SPATA31A3: variants seen among roughly 807,000 people sequenced by gnomAD.
The protein encoded by SPATA31A3 is spermatogenesis-associated protein 31A3.
For missense variants in SPATA31A3, 132 were observed against 1,094.6 expected (o/e 0.12, Z 12.41); for synonymous variants, 47 against 419.3 (o/e 0.11, Z 10.85).
At chr9:66,987,190 A>G in exon 4 of SPATA31A3, 1 of 1,181,748 alleles carries the variant, frequency 8.5e-7, no homozygotes, top group Non-Finnish European at 1.2e-6. Flanking sequence ...AGGGGGAAAC[A>G]TTGGCCTTTG....
exon 4 of SPATA31A3, chr9:66,987,136 T>C (rs781019955): frequency 1.7e-6 from 2 of 1,186,092 alleles, no homozygotes; most frequent in South Asian, 2.6e-5. Context: ...CCTTTCTTCA[T>C]GTTTTTCTAA....
Position 66,990,239 on chromosome 9 carries a change from AGG to A in SPATA31A3, c.309-52_309-51del, listed in dbSNP as rs1823299170. On this transcript the variant is annotated intron_variant, in intron 3 of 3. Transcript: ENST00000428649. The stretch of plus-strand genomic sequence containing the variant: ...TGCAGCCAGGAGCCGGTGGGGCCGG[AGG>A]GCAGAGTGGGTGCTCGGGCCACAGC... The A allele has an allele frequency of 2.5e-6, 4 of 1,570,434 alleles. No individual in the cohort carries two copies. The African/African-American group carries it at 5.5e-5, about 22-fold the overall frequency.
At chr9:66,991,654 A>AAAAAT (rs1157053461) in intron 1 of SPATA31A3, among the ~76,000 whole-genome samples, 756 of 49,802 alleles carry the variant, frequency 0.015, 5 homozygotes, top group Non-Finnish European at 0.018. Flanking sequence ...CTCCATCTCA[A>AAAAAT]AAAATAAAAT....
chr9:66,988,215 A>G, exon 4 of SPATA31A3: 1 of 1,518,390 alleles, frequency 6.6e-7, no homozygotes, highest in Non-Finnish European at 8.8e-7. Flanking sequence ...TGGACACGGG[A>G]AGAGCCTGGT....
At chr9:66,988,404 A>G in exon 4 of SPATA31A3, 1 of 1,560,330 alleles carries the variant, frequency 6.4e-7, no homozygotes, top group South Asian at 1.1e-5. Flanking sequence ...CCAACTCCTC[A>G]GAAGTCACCC....
chr9:66,988,451 A>G, exon 4 of SPATA31A3: 3 of 1,541,064 alleles, frequency 1.9e-6, no homozygotes, highest in Non-Finnish European at 1.7e-6. Context: ...ATATCCCTGG[A>G]TAGATTTTGT....
rs199651086 is a variant in SPATA31A3 at position 66,987,160 on chromosome 9, A to G, written c.3338T>C (p.Phe1113Ser). 85 of 1,180,908 alleles carry G rather than the reference A, an allele frequency of 7.2e-5. 24 individuals carry two copies. The African/African-American group carries it at 1.1e-3, about 15-fold the overall frequency. 73.2% of individuals were successfully genotyped at this position (1,180,908 alleles called of 1,614,324 possible). A position where few individuals can be genotyped will look rare whatever the true frequency, so the allele number is the denominator to read the frequency against. The stretch of plus-strand genomic sequence containing the variant: ...ATGTTTTTCTAAGTTGGGCTTCCTA[A>G]ACTTCTCACTCTTGTGAATAGGGGG... The change falls in exon 4 of 4, where the codon TTT becomes TCT. Residue 1113 changes from phenylalanine (F) to serine (S), a missense_variant. By Grantham distance (155) the Phe-to-Ser change is radical. Coordinates refer to ENST00000428649, the Ensembl canonical transcript of SPATA31A3.
exon 4 of SPATA31A3, chr9:66,989,125 C>T: frequency 4.8e-6 from 1 of 206,736 alleles, no homozygotes; most frequent in East Asian, 5.5e-5. Flanking sequence ...TGTAGTCTCC[C>T]TTTGAATTGG....
Position 66,987,102 on chromosome 9 carries a change from T to A in SPATA31A3, c.3396A>T (p.Gln1132His). 3 of 1,291,008 alleles carry A rather than the reference T, an allele frequency of 2.3e-6. 1 individual carries two copies. The allele number at this position is 1,291,008 out of a possible 1,614,324, so 80.0% of individuals were successfully genotyped here. ...CTTCTGTTTTCCTGACTGGGGTAAG[T>A]TGAGGAGTCCTCAATCCTTCAAGCC... is the stretch of plus-strand genomic sequence containing the variant. Residue 1132 changes from glutamine to histidine, a missense_variant, in exon 4 of 4, where the codon CAA becomes CAT. Transcript: ENST00000428649.
chr9:66,987,709 C>A, exon 4 of SPATA31A3: 3 of 1,597,354 alleles, frequency 1.9e-6, no homozygotes, highest in Non-Finnish European at 1.7e-6. Context: ...GCCTGTGAGG[C>A]TGTACGTGAG....
rs1823253506 is a variant in SPATA31A3 at position 66,987,512 on chromosome 9, CAG to C, written c.2984_2985del (p.Ser995CysfsTer16). 1.1e-6 allele frequency: 1 copy of C among 933,764 alleles called. No individual in the cohort carries two copies. The highest frequency in any genetic ancestry group is 2.8e-5 in the Admixed American group (1 of 36,288). 57.8% of individuals were successfully genotyped at this position (933,764 alleles called of 1,614,324 possible). ...CACAGCTTTCTTGGATCTTGGGAGA[CAG>C]ACACTCTAGGGTGTAGAGAGCTTTT... On this transcript the variant is annotated frameshift_variant, in exon 4 of 4. Coordinates refer to ENST00000428649, the Ensembl canonical transcript of SPATA31A3. LOFTEE classifies it low-confidence loss of function (END_TRUNC).
At position 66,987,102 on chromosome 9, in the gene SPATA31A3, T is replaced by C. The variant is rs760108308; in HGVS notation, c.3396A>G (p.Gln1132=). 13 of 1,290,940 alleles carry C rather than the reference T, an allele frequency of 1.0e-5. 3 individuals are homozygous for C. The highest frequency in any genetic ancestry group is 2.5e-4 in the Middle Eastern group (1 of 3,968). The allele number at this position is 1,290,940 out of a possible 1,614,324, so 80.0% of individuals were successfully genotyped here. ...CTTCTGTTTTCCTGACTGGGGTAAG[T>C]TGAGGAGTCCTCAATCCTTCAAGCC... Residue 1132 remains glutamine, a synonymous_variant, in exon 4 of 4, where the codon CAA becomes CAG. Transcript: ENST00000428649.
Position 66,989,357 on chromosome 9 carries a change from GT to G in SPATA31A3, c.1140del (p.Lys380AsnfsTer54). 2.6e-6 allele frequency: 1 copy of G among 388,262 alleles called. No homozygotes were observed. The highest frequency in any genetic ancestry group is 5.9e-5 in the Admixed American group (1 of 16,924). 24.1% of individuals were successfully genotyped at this position (388,262 alleles called of 1,614,324 possible). Reference sequence around the variant, plus strand: ...GAGTTCTCTCCCATGTTCCAGAAGGGTTTTGGGTTTGTGGTGTCCTGCTCAG... The same window carrying G: ...GAGTTCTCTCCCATGTTCCAGAAGGGTTTGGGTTTGTGGTGTCCTGCTCAG... On this transcript the variant is annotated frameshift_variant, in exon 4 of 4. Coordinates refer to ENST00000428649, the Ensembl canonical transcript of SPATA31A3. LOFTEE classifies it low-confidence loss of function (END_TRUNC).
rs369629990 is a variant in SPATA31A3 at position 66,987,192 on chromosome 9, T to C, written c.3306A>G (p.Pro1102=). The C allele has an allele frequency of 2.5e-6, 3 of 1,181,746 alleles. 1 individual carries two copies. Among genetic ancestry groups the C allele is most frequent in the African/African-American group, 1.7e-5 (1 of 59,950 alleles). 73.2% of individuals were successfully genotyped at this position (1,181,746 alleles called of 1,614,324 possible). A position where few individuals can be genotyped will look rare whatever the true frequency, so the allele number is the denominator to read the frequency against. The change falls in exon 4 of 4, where the codon CCA becomes CCG. Residue 1102 remains proline, a synonymous_variant. Transcript: ENST00000428649. ...CACTCTTGTGAATAGGGGGAAACAT[T>C]GGCCTTTGGCTCTTGCATGAGCCTT... is the stretch of plus-strand genomic sequence containing the variant.
intron 1 of SPATA31A3, among the ~76,000 whole-genome samples, chr9:66,991,719 CAAAT>C (rs1210662225): frequency 2.4e-4 from 20 of 82,694 alleles, no homozygotes; most frequent in East Asian, 5.5e-4. Context: ...ATAACACACA[CAAAT>C]AAAATAAAAA....
At chr9:66,988,412 C>A (rs1282412168) in exon 4 of SPATA31A3, 1 of 1,558,858 alleles carries the variant, frequency 6.4e-7, no homozygotes, top group South Asian at 1.1e-5. Context: ...TCAGAAGTCA[C>A]CCCCAGAACC....
exon 4 of SPATA31A3, chr9:66,987,300 C>G (rs763436336): frequency 7.9e-7 from 1 of 1,267,440 alleles, no homozygotes; most frequent in African/African-American, 1.7e-5. Context: ...GGGAAGCCCG[C>G]ATGTTCCCAG....
At chr9:66,991,734 T>TACACACACACAC (rs55996942) in intron 1 of SPATA31A3, among the ~76,000 whole-genome samples, 153 of 54,920 alleles carry the variant, frequency 2.8e-3, no homozygotes, top group Non-Finnish European at 4.3e-3. Context: ...AAAATAAAAA[T>TACACACACACAC]ACACACACAC....
chr9:66,987,210 T>C (rs1823247664), exon 4 of SPATA31A3: 2 of 1,181,774 alleles, frequency 1.7e-6, no homozygotes, highest in Non-Finnish European at 2.4e-6. Context: ...GGCTCTTGCA[T>C]GAGCCTTGAC....
Sources: allele counts gnomAD v4.1 joint callset (sites outside exome capture counted in the v4.1 genomes callset), GRCh38; gene constraint gnomAD v4.1.1; transcripts MANE v1.5; gene names NCBI Gene and HGNC (gene_info 2026-07-23, HGNC 2026-07-21).